The following NUDT19 variants were observed in gnomAD, a reference collection of about 807,000 sequenced individuals.
NUDT19 encodes acyl-coenzyme A diphosphatase NUDT19.
Under a neutral mutation model 22.2 loss-of-function variants are expected in NUDT19, and 31 were observed. The ratio of observed to expected loss-of-function variants is 1.40; its 90% CI spans 1.05 to 1.89. NUDT19 has a LOEUF of 1.89. Ranked by LOEUF, NUDT19 falls within the 40% of genes most tolerant of loss-of-function variation. The pLI is 0.00. For missense variants in NUDT19, 752 were observed against 514.2 expected (o/e 1.46, Z -4.47); for synonymous variants, 325 against 230.8 (o/e 1.41, Z -3.70).
chr19:32,700,630 A>G (rs78878152), intron 1 of NUDT19, among the ~76,000 whole-genome samples: 2,373 of 152,198 alleles, frequency 0.016, 23 homozygotes, highest in Non-Finnish European at 0.025. Flanking sequence ...GGATCTCACT[A>G]TGTTGCTCAG....
In NUDT19 at chr19:32,704,482, G is replaced by A. The variant is rs549786791; in HGVS notation, c.715-4703G>A. Among the ~76,000 whole-genome samples, 87 of 151,682 alleles carry A rather than the reference G, an allele frequency of 5.7e-4. 1 individual carries two copies. The highest frequency in any genetic ancestry group is 5.1e-3 in the Admixed American group (77 of 15,240). ...TCGCCATGTTGGTCAGGCTGGTCTC[G>A]AACTCCTGACCTTGTGATCCGCCTG... On this transcript the variant is annotated intron_variant, in intron 1 of 2. Transcript: ENST00000397061.
chr19:32,705,792 C>G (rs1315735488), intron 1 of NUDT19, among the ~76,000 whole-genome samples: 1 of 151,952 alleles, frequency 6.6e-6, no homozygotes, highest in Non-Finnish European at 1.5e-5. Context: ...ACCATGTTGG[C>G]CAGGTTGGTC....
intron 1 of NUDT19, among the ~76,000 whole-genome samples, chr19:32,701,186 T>A (rs1276982967): frequency 6.7e-6 from 1 of 149,574 alleles, no homozygotes; most frequent in Non-Finnish European, 1.5e-5. Context: ...GAGTTGTTCA[T>A]AGCATCTTGC....
At position 32,709,185 on chromosome 19, in the gene NUDT19, T is replaced by A; in HGVS notation, c.715T>A (p.Trp239Arg). 1 of 1,609,236 alleles carries A rather than the reference T, an allele frequency of 6.2e-7. No homozygotes were observed. Among genetic ancestry groups the A allele is most frequent in the South Asian group, 1.1e-5 (1 of 90,958 alleles). The change falls in exon 2 of 3, where the codon TGG becomes AGG. Residue 239 changes from tryptophan (W) to arginine (R), a missense_variant and splice_region_variant. Coordinates refer to ENST00000397061, the MANE Select transcript of NUDT19 (RefSeq NM_001105570.2). ...PDLAEVVGYQ[W>R]SSPSEATESF... Reference sequence around the variant, plus strand: ...GAAACCCTGCCTTTGTCTTTCACAGTGGTCATCTCCATCAGAGGCAACTGA... The same window carrying A: ...GAAACCCTGCCTTTGTCTTTCACAGAGGTCATCTCCATCAGAGGCAACTGA...
At chr19:32,701,846 C>T (rs555097390) in intron 1 of NUDT19, among the ~76,000 whole-genome samples, 7 of 152,220 alleles carry the variant, frequency 4.6e-5, no homozygotes, top group African/African-American at 1.7e-4. Context: ...CTATCTGTGT[C>T]TTTATTATTT....
Position 32,692,637 on chromosome 19 carries a change from C to G in NUDT19, c.677C>G (p.Pro226Arg). 3.3e-6 allele frequency: 5 copies of G among 1,527,096 alleles called. No individual in the cohort carries two copies. The highest frequency in any genetic ancestry group is 4.4e-6 in the Non-Finnish European group (5 of 1,142,422). The allele number at this position is 1,527,096 out of a possible 1,614,324, so 94.6% of individuals were successfully genotyped here. A position where few individuals can be genotyped will look rare whatever the true frequency, so the allele number is the denominator to read the frequency against. ...FFLCCLREPP[P>R]VYPDLAEVVG... ...CTGTGCTGCCTGCGCGAGCCGCCGC[C>G]CGTCTACCCCGACTTGGCGGAGGTG... Residue 226 changes from proline to arginine, a missense_variant, in exon 1 of 3, where the codon CCC (proline) becomes CGC (arginine). Transcript: ENST00000397061.
chr19:32,706,080 T>A (rs1350742008), intron 1 of NUDT19, among the ~76,000 whole-genome samples: 1 of 152,130 alleles, frequency 6.6e-6, no homozygotes, highest in Non-Finnish European at 1.5e-5. Flanking sequence ...TATACAATGG[T>A]GAATAAAGTA....
chr19:32,704,257 G>A (rs562123417), intron 1 of NUDT19, among the ~76,000 whole-genome samples: 7 of 151,538 alleles, frequency 4.6e-5, no homozygotes, highest in African/African-American at 1.7e-4. Context: ...TACCACTCTT[G>A]CAGGTAACTT....
chr19:32,701,637 C>G (rs1207759571), intron 1 of NUDT19, among the ~76,000 whole-genome samples: 1 of 152,114 alleles, frequency 6.6e-6, no homozygotes, highest in Non-Finnish European at 1.5e-5. Context: ...TTTTGAAGCT[C>G]CCATGTAAGG....
chr19:32,693,980 C>G (rs945470258), intron 1 of NUDT19, among the ~76,000 whole-genome samples: 1 of 152,186 alleles, frequency 6.6e-6, no homozygotes, highest in African/African-American at 2.4e-5. Flanking sequence ...GAGGGGAACT[C>G]TCTAGGCCAG....
At chr19:32,703,646 G>GC (rs1968357623) in intron 1 of NUDT19, among the ~76,000 whole-genome samples, 2 of 112,042 alleles carry the variant, frequency 1.8e-5, no homozygotes, top group Non-Finnish European at 3.6e-5. Flanking sequence ...ACTGTGCCCA[G>GC]CCTTTTTTTT....
rs762526101 is a variant in NUDT19 at position 32,709,253 on chromosome 19, C to G, written c.783C>G (p.Phe261Leu). The G allele has an allele frequency of 3.1e-6, 5 of 1,614,154 alleles. No individual in the cohort carries two copies. The South Asian group carries it at 5.5e-5, about 18-fold the overall frequency. Residue 261 changes from phenylalanine to leucine, a missense_variant, in exon 2 of 3, where the codon TTC becomes TTG. Phe to Leu is a conservative substitution (Grantham distance 22, BLOSUM62 0). Coordinates refer to ENST00000397061, the MANE Select transcript of NUDT19 (RefSeq NM_001105570.2). ...AAATTTGGTTGCCACCCCCACAGTT[C>G]TACGAAGTGAGAAGACTTGCAAACT... ...SKEIWLPPPQ[F>L]YEVRRLANFA...
intron 1 of NUDT19, among the ~76,000 whole-genome samples, chr19:32,702,687 T>C (rs1200928569): frequency 6.6e-6 from 1 of 152,242 alleles, no homozygotes; most frequent in Non-Finnish European, 1.5e-5. Flanking sequence ...TTTTGCTTTT[T>C]AGTTGGAGTG....
At chr19:32,694,498 A>G (rs1431220979) in intron 1 of NUDT19, among the ~76,000 whole-genome samples, 1 of 152,164 alleles carries the variant, frequency 6.6e-6, no homozygotes, top group African/African-American at 2.4e-5. Context: ...GTAGTAAGAT[A>G]ATGAAGTAGA....
Position 32,692,391 on chromosome 19 carries a change from G to A in NUDT19, c.431G>A (p.Arg144Lys), listed in dbSNP as rs754769982. 3.8e-6 allele frequency: 6 copies of A among 1,581,532 alleles called. No homozygotes were observed. Among genetic ancestry groups the A allele is most frequent in the African/African-American group, 1.4e-5 (1 of 72,904 alleles). The change falls in exon 1 of 3, where the codon AGG becomes AAG. Residue 144 changes from arginine to lysine, a missense_variant. Physicochemically the swap from Arg to Lys is conservative, Grantham distance 26. Coordinates refer to ENST00000397061, the MANE Select transcript of NUDT19 (RefSeq NM_001105570.2). Reference sequence around the variant, plus strand: ...GCGGGCGTGCTGCTGCTGCGGCCCAGGACTTCCCCACCAGGCCCAGCACCC... The same window carrying A: ...GCGGGCGTGCTGCTGCTGCGGCCCAAGACTTCCCCACCAGGCCCAGCACCC... Reference protein sequence around the residue: ...EEAGVLLLRPRTSPPGPAPGP... With the variant: ...EEAGVLLLRPKTSPPGPAPGP...
At chr19:32,702,045 T>C (rs369400891) in intron 1 of NUDT19, among the ~76,000 whole-genome samples, 2 of 152,258 alleles carry the variant, frequency 1.3e-5, no homozygotes, top group African/African-American at 4.8e-5. Flanking sequence ...CCTGACCCAA[T>C]GATGGATGAA....
Position 32,692,700 on chromosome 19 carries a change from C to T in NUDT19, c.714+26C>T, listed in dbSNP as rs756958384. 3.0e-5 allele frequency: 43 copies of T among 1,427,578 alleles called. No individual in the cohort carries two copies. In the East Asian group the frequency reaches 8.8e-4, roughly 29 times the overall value. 88.4% of individuals were successfully genotyped at this position (1,427,578 alleles called of 1,614,324 possible). A position where few individuals can be genotyped will look rare whatever the true frequency, so the allele number is the denominator to read the frequency against. On this transcript the variant is annotated intron_variant, in intron 1 of 2. Transcript: ENST00000397061. ...GTAAGGCCTGCTCAGGGCCTTGCTG[C>T]GGACCGCCAGGACGTGAGAGGGAGG...
chr19:32,711,404 A>G (rs1306541299), intron 2 of NUDT19, among the ~76,000 whole-genome samples: 2 of 151,960 alleles, frequency 1.3e-5, no homozygotes, highest in Non-Finnish European at 2.9e-5. Context: ...TGGAGGTTGC[A>G]ATGAGCCGAG....
chr19:32,709,367 T>C lies in NUDT19; in HGVS notation c.897T>C (p.Ala299=), dbSNP rs768256536. Residue 299 remains alanine (A), a synonymous_variant, in exon 2 of 3, where the codon GCT becomes GCC. Transcript: ENST00000397061. The stretch of plus-strand genomic sequence containing the variant: ...GGCTGCCGATCATCTTGTTAACTGC[T>C]GATGGGATGGTCCATCTTTTACCAG... ...ERWLPIILLT[A]DGMVHLLPGD... 5.8e-5 allele frequency: 94 copies of C among 1,614,054 alleles called. No homozygotes were observed. In the East Asian group the frequency reaches 2.0e-3, roughly 35 times the overall value.
Sources: gnomAD v4.1 joint callset for allele counts (sites outside exome capture counted in the v4.1 genomes callset) on GRCh38, gnomAD v4.1.1 for gene constraint, MANE v1.5 for transcripts, NCBI Gene and HGNC (gene_info 2026-07-23, HGNC 2026-07-21) for gene names.